Variants in SAMD5 observed in about 807,000 individuals in gnomAD.
SAMD5 encodes the protein sterile alpha motif domain-containing protein 5.
In SAMD5, 13 loss-of-function variants were observed where a neutral mutation model predicts 11.3. The observed-to-expected ratio is 1.15, with a 90% confidence interval of 0.75 to 1.83. The LOEUF is 1.83. SAMD5 is among the 40% of genes most tolerant of loss of function. The probability of loss-of-function intolerance (pLI) is 0.00; values close to 1 mark genes in which losing one functional copy is unlikely to be tolerated. For missense variants in SAMD5, 255 were observed against 239.1 expected, an observed-to-expected ratio of 1.07 and a Z score of -0.44; for synonymous variants, 129 against 111.3, an observed-to-expected ratio of 1.16 and a Z score of -1.00.
At chr6:147,684,744 C>A (rs1170609302) in intron 1 of SAMD5, among the ~76,000 whole-genome samples, 1 of 152,142 alleles carries the variant, frequency 6.6e-6, no homozygotes, top group East Asian at 1.9e-4. Context: ...TCACTTTGCA[C>A]AGGATTGCAG....
the SAMD5 span, among the ~76,000 whole-genome samples, chr6:147,933,945 C>T: frequency 2.0e-5 from 3 of 152,192 alleles, no homozygotes; most frequent in African/African-American, 7.2e-5. Context: ...TATGCTGTCA[C>T]GTAACTTAAT....
At chr6:147,826,309 C>G in the SAMD5 span, among the ~76,000 whole-genome samples, 5 of 152,180 alleles carry the variant, frequency 3.3e-5, no homozygotes, top group African/African-American at 7.2e-5. Context: ...TTCCTTCTCT[C>G]CGTCCTCTCC....
intron 1 of SAMD5, among the ~76,000 whole-genome samples, chr6:147,543,621 T>C (rs1329267827): frequency 6.6e-6 from 1 of 152,210 alleles, no homozygotes; most frequent in African/African-American, 2.4e-5. Flanking sequence ...TTATGGACAA[T>C]TTTCTTTACT....
At chr6:147,786,255 T>G in the SAMD5 span, among the ~76,000 whole-genome samples, 1 of 152,232 alleles carries the variant, frequency 6.6e-6, no homozygotes, top group Non-Finnish European at 1.5e-5. Context: ...ATACCTAGTT[T>G]TGATGGATTG....
intron 1 of SAMD5, among the ~76,000 whole-genome samples, chr6:147,716,111 C>T (rs116044339): frequency 2.9e-3 from 434 of 152,270 alleles, no homozygotes; most frequent in African/African-American, 9.8e-3. Context: ...TGCCTCCTGC[C>T]GCCATTCATG....
intron 1 of SAMD5, among the ~76,000 whole-genome samples, chr6:147,639,612 T>C (rs1395963871): frequency 1.3e-5 from 2 of 152,242 alleles, no homozygotes; most frequent in Admixed American, 6.5e-5. Context: ...CCAGGAATCC[T>C]GGAAGAATAG....
At chr6:147,584,964 T>TAGAGCA (rs1461649304) in intron 1 of SAMD5, among the ~76,000 whole-genome samples, 1 of 152,174 alleles carries the variant, frequency 6.6e-6, no homozygotes. Flanking sequence ...TCCTTAATAC[T>TAGAGCA]TCAGGATGCC....
intron 1 of SAMD5, among the ~76,000 whole-genome samples, chr6:147,513,568 C>T (rs1423904448): frequency 1.3e-5 from 2 of 152,134 alleles, no homozygotes; most frequent in African/African-American, 4.8e-5. Context: ...GCAGCTGTGA[C>T]TACAGATGAG....
At chr6:147,755,378 A>C in the SAMD5 span, among the ~76,000 whole-genome samples, 14 of 152,072 alleles carry the variant, frequency 9.2e-5, no homozygotes, top group Non-Finnish European at 1.5e-4. Context: ...AGTGTTCAAG[A>C]ATATAGTTAA....
chr6:147,624,934 C>T (rs969707924), intron 1 of SAMD5, among the ~76,000 whole-genome samples: 1 of 151,572 alleles, frequency 6.6e-6, no homozygotes, highest in African/African-American at 2.4e-5. Flanking sequence ...GGAGAGAATG[C>T]AAGAAGTGCT....
chr6:147,950,945 CT>C, the SAMD5 span, among the ~76,000 whole-genome samples: 24 of 151,622 alleles, frequency 1.6e-4, no homozygotes, highest in Non-Finnish European at 2.8e-4. Context: ...GTTCTGCTTT[CT>C]TTACCTCATA....
chr6:147,826,973 C>G, the SAMD5 span, among the ~76,000 whole-genome samples: 1 of 152,086 alleles, frequency 6.6e-6, no homozygotes, highest in East Asian at 1.9e-4. Flanking sequence ...TTATGAATGT[C>G]AATCATCCTA....
At chr6:147,823,931 A>C in the SAMD5 span, among the ~76,000 whole-genome samples, 1 of 152,220 alleles carries the variant, frequency 6.6e-6, no homozygotes, top group Non-Finnish European at 1.5e-5. Flanking sequence ...GAGAGTTACT[A>C]TTTCCATTTG....
the SAMD5 span, among the ~76,000 whole-genome samples, chr6:147,870,168 C>G: frequency 2.0e-5 from 3 of 152,164 alleles, no homozygotes; most frequent in Admixed American, 1.3e-4. Context: ...ACTACCATAC[C>G]GGACAGTGCA....
chr6:147,670,434 C>T (rs1790779377), intron 1 of SAMD5, among the ~76,000 whole-genome samples: 1 of 152,196 alleles, frequency 6.6e-6, no homozygotes, highest in South Asian at 2.1e-4. Flanking sequence ...ATTGACTTCT[C>T]CTTTAAAGCT....
the SAMD5 span, among the ~76,000 whole-genome samples, chr6:147,754,042 T>C: frequency 6.6e-6 from 1 of 152,178 alleles, no homozygotes; most frequent in African/African-American, 2.4e-5. Context: ...ATATACTGAT[T>C]TCTTTTCTTT....
chr6:147,777,481 T>C, the SAMD5 span, among the ~76,000 whole-genome samples: 1 of 152,150 alleles, frequency 6.6e-6, no homozygotes, highest in Non-Finnish European at 1.5e-5. Flanking sequence ...TTGCCACTCC[T>C]CAGTCTCTTC....
At chr6:147,741,359 TAATC>T (rs1274306438), downstream of SAMD5, 1 of 152,182 alleles carries the variant, frequency 6.6e-6, no homozygotes, top group Non-Finnish European at 1.5e-5. Flanking sequence ...TTTGATGAGA[TAATC>T]ATTTAAAATT....
At chr6:147,700,894 C>A (rs1791245052) in intron 1 of SAMD5, among the ~76,000 whole-genome samples, 1 of 152,104 alleles carries the variant, frequency 6.6e-6, no homozygotes, top group Admixed American at 6.5e-5. Context: ...CAGAACACAG[C>A]CCTAAGATAA....
Sources: allele counts gnomAD v4.1 joint callset (sites outside exome capture counted in the v4.1 genomes callset), GRCh38; gene constraint gnomAD v4.1.1; transcripts MANE v1.5; gene names NCBI Gene and HGNC (gene_info 2026-07-23, HGNC 2026-07-21).